TMEM17: variants seen among roughly 807,000 people sequenced by gnomAD.
TMEM17 encodes transmembrane protein 17.
Under a neutral mutation model 19.1 loss-of-function variants are expected in TMEM17, and 15 were observed. That is an observed-to-expected ratio of 0.78 (90% confidence interval 0.52 to 1.21). The LOEUF is 1.21. Ranked by LOEUF, TMEM17 falls within the 50% of genes most tolerant of loss-of-function variation. The pLI is 0.00. For missense variants in TMEM17, 245 were observed against 242.3 expected (o/e 1.01, Z -0.07); for synonymous variants, 103 against 86.9 (o/e 1.19, Z -1.03).
chr2:62,455,745 C>T, the TMEM17 span, among the ~76,000 whole-genome samples: 23 of 152,190 alleles, frequency 1.5e-4, no homozygotes, highest in African/African-American at 4.1e-4. Context: ...CCAGCCTGGC[C>T]GACAGAGCAA....
chr2:62,483,011 T>C, the TMEM17 span, among the ~76,000 whole-genome samples: 1 of 152,184 alleles, frequency 6.6e-6, no homozygotes, highest in Admixed American at 6.5e-5. Context: ...CATAAACCAA[T>C]CAACTTTCAA....
the TMEM17 span, among the ~76,000 whole-genome samples, chr2:62,490,195 A>C: frequency 6.6e-6 from 1 of 152,088 alleles, no homozygotes; most frequent in Admixed American, 6.5e-5. Context: ...AAAAATAATC[A>C]ATGAGTTCCT....
the TMEM17 span, among the ~76,000 whole-genome samples, chr2:62,481,133 A>G: frequency 6.6e-6 from 1 of 152,100 alleles, no homozygotes; most frequent in African/African-American, 2.4e-5. Flanking sequence ...TCCCTGTAGA[A>G]GTCTTTCACC....
chr2:62,480,219 G>C, the TMEM17 span, among the ~76,000 whole-genome samples: 1 of 151,648 alleles, frequency 6.6e-6, no homozygotes, highest in African/African-American at 2.4e-5. Flanking sequence ...GTCTTCTTTT[G>C]AGAAATGTCT....
chr2:62,454,125 G>C, the TMEM17 span, among the ~76,000 whole-genome samples: 1 of 152,232 alleles, frequency 6.6e-6, no homozygotes, highest in East Asian at 1.9e-4. Flanking sequence ...TGGCAGCTCT[G>C]ATCTTGCTGC....
chr2:62,460,977 G>A, the TMEM17 span, among the ~76,000 whole-genome samples: 2 of 152,202 alleles, frequency 1.3e-5, no homozygotes, highest in Non-Finnish European at 2.9e-5. Flanking sequence ...CTGGGGAGAT[G>A]AGGACAGATT....
At chr2:62,473,963 C>G in the TMEM17 span, among the ~76,000 whole-genome samples, 1 of 152,130 alleles carries the variant, frequency 6.6e-6, no homozygotes, top group East Asian at 1.9e-4. Flanking sequence ...TGAACAGAGA[C>G]GAGAAGGACT....
At chr2:62,484,228 G>C in the TMEM17 span, among the ~76,000 whole-genome samples, 1 of 152,214 alleles carries the variant, frequency 6.6e-6, no homozygotes, top group African/African-American at 2.4e-5. Flanking sequence ...TTTCTGCAAT[G>C]GTGGGAACCT....
chr2:62,459,848 C>A, the TMEM17 span, among the ~76,000 whole-genome samples: 2 of 152,346 alleles, frequency 1.3e-5, no homozygotes, highest in South Asian at 4.1e-4. Context: ...TCATAGCACA[C>A]TGTAGCCTCT....
chr2:62,460,998 G>A, the TMEM17 span, among the ~76,000 whole-genome samples: 1 of 152,150 alleles, frequency 6.6e-6, no homozygotes, highest in East Asian at 1.9e-4. Flanking sequence ...TTGGAGGAAG[G>A]AACCCTTGAA....
the TMEM17 span, among the ~76,000 whole-genome samples, chr2:62,474,366 C>T: frequency 6.6e-6 from 1 of 152,132 alleles, no homozygotes; most frequent in Non-Finnish European, 1.5e-5. Flanking sequence ...ATTCCATGTC[C>T]ACAGGCTTGC....
At position 62,506,046 on chromosome 2, in the gene TMEM17, C is replaced by G; in HGVS notation, c.84G>C (p.Glu28Asp). The part of the protein sequence containing the change: ...VFSDSNRTGP[E>D]SNEGPENEMV... ...GTCACTCACCCGGACCCTCATTGGA[C>G]TCTGGACCGGTCCGATTGGAATCAC... Residue 28 changes from glutamate (E) to aspartate (D), a missense_variant, in exon 1 of 4, where the codon GAG becomes GAC. Glu to Asp is a conservative substitution (Grantham distance 45, BLOSUM62 2). Transcript: ENST00000335390. 6.2e-7 allele frequency: 1 copy of G among 1,611,082 alleles called. No individual in the cohort carries two copies. The highest frequency in any genetic ancestry group is 8.5e-7 in the Non-Finnish European group (1 of 1,178,858).
chr2:62,499,374 A>G (rs13389363), downstream of TMEM17, among the ~76,000 whole-genome samples: 20,693 of 152,182 alleles, frequency 0.14, 1,614 homozygotes, highest in East Asian at 0.3. Context: ...TTTCTTATAG[A>G]ATCACCTACC....
At chr2:62,461,389 G>T in the TMEM17 span, among the ~76,000 whole-genome samples, 7 of 152,194 alleles carry the variant, frequency 4.6e-5, no homozygotes, top group Non-Finnish European at 8.8e-5. Flanking sequence ...CCCCAGTCTT[G>T]ACTGCCAGGG....
chr2:62,501,253 T>C lies in TMEM17; in HGVS notation c.553A>G (p.Arg185Gly). Reference protein sequence around the residue: ...LQDFDRLSANRGDMRRMRSCI... With the variant: ...LQDFDRLSANGGDMRRMRSCI... ...GACCTCATCCTTCTCATGTCTCCTC[T>C]GTTTGCAGAGAGCCGGTCAAAGTCT... Residue 185 changes from arginine to glycine, a missense_variant, in exon 4 of 4, where the codon AGA (arginine) becomes GGA (glycine). Coordinates refer to ENST00000335390, the MANE Select transcript of TMEM17 (RefSeq NM_198276.3). 1 of 1,614,232 alleles carries C rather than the reference T, an allele frequency of 6.2e-7. No individual in the cohort carries two copies. Among genetic ancestry groups the C allele is most frequent in the Non-Finnish European group, 8.5e-7 (1 of 1,180,032 alleles).
chr2:62,483,652 T>G, the TMEM17 span, among the ~76,000 whole-genome samples: 4 of 150,442 alleles, frequency 2.7e-5, no homozygotes, highest in African/African-American at 9.8e-5. Context: ...CAGGCTAGAA[T>G]GCAATGGCAG....
chr2:62,487,915 G>A, the TMEM17 span, among the ~76,000 whole-genome samples: 1 of 152,178 alleles, frequency 6.6e-6, no homozygotes, highest in East Asian at 1.9e-4. Context: ...GGCTGGTCTC[G>A]AACTCCTGAC....
At chr2:62,477,240 T>C in the TMEM17 span, among the ~76,000 whole-genome samples, 6,342 of 151,996 alleles carry the variant, frequency 0.042, 469 homozygotes, top group African/African-American at 0.14. Flanking sequence ...CTACTAAAAA[T>C]ACAAAAATTA....
chr2:62,491,097 A>AAAC, the TMEM17 span: 1 of 150,544 alleles, frequency 6.6e-6, no homozygotes, highest in South Asian at 2.1e-4. Flanking sequence ...AAAAAAAAAA[A>AAAC]AAAAAAAACC....
Sources: gnomAD v4.1 joint callset for allele counts (sites outside exome capture counted in the v4.1 genomes callset) on GRCh38, gnomAD v4.1.1 for gene constraint, MANE v1.5 for transcripts, NCBI Gene and HGNC (gene_info 2026-07-23, HGNC 2026-07-21) for gene names.